The following MACROD2 variants were observed in gnomAD, a reference collection of about 807,000 sequenced individuals.
MACROD2 encodes the protein ADP-ribose glycohydrolase MACROD2.
A neutral mutation model predicts 70.4 loss-of-function variants in MACROD2; 36 were observed. The ratio of observed to expected loss-of-function variants is 0.51; its 90% confidence interval spans 0.39 to 0.68. MACROD2 has a LOEUF of 0.68. Ranked by LOEUF, MACROD2 falls within the 30% of genes least tolerant of loss-of-function variation. MACROD2 has a pLI of 0.00. For missense variants in MACROD2, 496 were observed against 538.4 expected (o/e 0.92, Z 0.78); for synonymous variants, 172 against 178.8 (o/e 0.96, Z 0.30).
intron 10 of MACROD2, among the ~76,000 whole-genome samples, chr20:15,898,629 A>C (rs1010206591): frequency 8.6e-5 from 13 of 151,070 alleles, no homozygotes; most frequent in Admixed American, 7.9e-4. Context: ...GGGGTCCTGT[A>C]ATCTGTGTTC....
At chr20:14,440,294 G>C (rs976326897) in intron 3 of MACROD2, among the ~76,000 whole-genome samples, 2 of 152,074 alleles carry the variant, frequency 1.3e-5, no homozygotes, top group African/African-American at 4.8e-5. Context: ...TTGAATGTTT[G>C]AATGCAGCCC....
At chr20:15,724,572 T>A (rs1369213605) in intron 8 of MACROD2, among the ~76,000 whole-genome samples, 4 of 152,228 alleles carry the variant, frequency 2.6e-5, no homozygotes, top group Non-Finnish European at 5.9e-5. Flanking sequence ...CCTTTGCTCC[T>A]TTGTCAAAGA....
At chr20:15,224,697 C>T (rs1160858745) in intron 5 of MACROD2, among the ~76,000 whole-genome samples, 1 of 152,160 alleles carries the variant, frequency 6.6e-6, no homozygotes, top group East Asian at 1.9e-4. Flanking sequence ...TTAGTCCCAA[C>T]ACTTTGGGAG....
At chr20:14,121,599 T>C (rs2054589993) in intron 3 of MACROD2, among the ~76,000 whole-genome samples, 1 of 152,170 alleles carries the variant, frequency 6.6e-6, no homozygotes, top group Non-Finnish European at 1.5e-5. Context: ...TTAGATGAAA[T>C]GTGGATAGTA....
intron 11 of MACROD2, among the ~76,000 whole-genome samples, chr20:15,935,239 G>A (rs900428987): frequency 1.3e-5 from 2 of 152,096 alleles, no homozygotes; most frequent in African/African-American, 2.4e-5. Flanking sequence ...ATCTGATAGC[G>A]TTATCACCAC....
chr20:15,400,846 A>C (rs974011586), intron 6 of MACROD2, among the ~76,000 whole-genome samples: 4 of 152,204 alleles, frequency 2.6e-5, no homozygotes, highest in Non-Finnish European at 5.9e-5. Context: ...ACCAGAAAGC[A>C]CTGACTAAGA....
intron 5 of MACROD2, among the ~76,000 whole-genome samples, chr20:14,794,533 A>G (rs1204596111): frequency 6.6e-6 from 1 of 152,154 alleles, no homozygotes; most frequent in African/African-American, 2.4e-5. Flanking sequence ...TAAATTTAAA[A>G]TAAGAGATAT....
chr20:15,563,678 A>G (rs73100260), intron 8 of MACROD2, among the ~76,000 whole-genome samples: 6,902 of 152,306 alleles, frequency 0.045, 214 homozygotes, highest in Non-Finnish European at 0.071. Flanking sequence ...AGAGTGTGGT[A>G]TGGATTGATC....
At chr20:14,362,533 G>A (rs2083231901) in intron 3 of MACROD2, among the ~76,000 whole-genome samples, 1 of 152,116 alleles carries the variant, frequency 6.6e-6, no homozygotes, top group Non-Finnish European at 1.5e-5. Flanking sequence ...GCTTTTAAAT[G>A]AAGCATTTGT....
chr20:14,339,330 G>T (rs1020822943), intron 3 of MACROD2, among the ~76,000 whole-genome samples: 1 of 152,186 alleles, frequency 6.6e-6, no homozygotes, highest in Admixed American at 6.6e-5. Context: ...CTGCTAGGTA[G>T]TACAATTAAA....
In MACROD2 at chr20:15,321,459, A is replaced by G. The variant is rs1418654318; in HGVS notation, c.540+91398A>G. 2.1e-5 allele frequency among the ~76,000 whole-genome samples: 3 copies of G among 143,886 alleles called. 1 individual carries two copies. The highest frequency in any genetic ancestry group is 3.1e-5 in the Non-Finnish European group (2 of 63,666). The allele number at this position is 143,886 out of a possible 152,430, so 94.4% of individuals were successfully genotyped here. A position where few individuals can be genotyped will look rare whatever the true frequency, so the allele number is the denominator to read the frequency against. ...CATATCTTGAAGACTTCCAACTTAA[A>G]CACATTAATTTATGCTTGGGATGAT... is the stretch of plus-strand genomic sequence containing the variant. On this transcript the variant is annotated intron_variant, in intron 6 of 17. Transcript: ENST00000684519.
At chr20:14,100,087 G>A (rs2054278364) in intron 3 of MACROD2, among the ~76,000 whole-genome samples, 1 of 151,914 alleles carries the variant, frequency 6.6e-6, no homozygotes, top group South Asian at 2.1e-4. Flanking sequence ...CAACACTTAG[G>A]AACAAATAAA....
intron 8 of MACROD2, among the ~76,000 whole-genome samples, chr20:15,831,355 A>C (rs538404066): frequency 6.6e-6 from 1 of 152,170 alleles, no homozygotes; most frequent in Non-Finnish European, 1.5e-5. Context: ...TTCCTACCTT[A>C]GTCAGAGATG....
intron 3 of MACROD2, among the ~76,000 whole-genome samples, chr20:14,334,916 C>T (rs2082910097): frequency 6.6e-6 from 1 of 151,920 alleles, no homozygotes; most frequent in Admixed American, 6.6e-5. Context: ...ATAGCCCACC[C>T]ACCTTAAAAA....
intron 5 of MACROD2, among the ~76,000 whole-genome samples, chr20:14,980,228 C>A (rs1025452601): frequency 2.6e-5 from 4 of 152,072 alleles, no homozygotes; most frequent in African/African-American, 7.2e-5. Flanking sequence ...ATGAATCAAT[C>A]CATTCTTGAA....
intron 5 of MACROD2, among the ~76,000 whole-genome samples, chr20:15,115,526 T>C (rs6074842): frequency 0.34 from 52,274 of 151,952 alleles, 10,237 homozygotes; most frequent in African/African-American, 0.52. Context: ...ATCCAGCCTA[T>C]TGTCTTCTTT....
At chr20:14,085,751 A>G (rs764772045) in intron 3 of MACROD2, 23 bp downstream of exon 3, 55 of 1,341,320 alleles carry the variant, frequency 4.1e-5, no homozygotes, top group Non-Finnish European at 5.5e-5. Flanking sequence ...TTTTCCTGTG[A>G]TGTGTTTGTT....
chr20:14,350,375 C>A (rs912700287), intron 3 of MACROD2, among the ~76,000 whole-genome samples: 4 of 152,092 alleles, frequency 2.6e-5, no homozygotes, highest in Non-Finnish European at 4.4e-5. Context: ...TTTTTCTCCA[C>A]ACCCTCGCCA....
intron 3 of MACROD2, among the ~76,000 whole-genome samples, chr20:14,379,368 A>G (rs2083401312): frequency 6.6e-6 from 1 of 152,138 alleles, no homozygotes; most frequent in Non-Finnish European, 1.5e-5. Context: ...TTGAGGTGTA[A>G]TTTACATATA....
Sources: allele counts gnomAD v4.1 joint callset (sites outside exome capture counted in the v4.1 genomes callset), GRCh38; gene constraint gnomAD v4.1.1; transcripts MANE v1.5; gene names NCBI Gene and HGNC (gene_info 2026-07-23, HGNC 2026-07-21).